The following RBFOX1 variants were observed in gnomAD, a reference collection of about 807,000 sequenced individuals.
The protein encoded by RBFOX1 is RNA binding protein fox-1 homolog 1.
RBFOX1 carries 8 observed loss-of-function variants against 57.7 expected under a neutral mutation model. The ratio of observed to expected loss-of-function variants is 0.14; its 90% CI spans 0.08 to 0.25. RBFOX1 has a LOEUF of 0.25. Among genes scored for constraint, RBFOX1 ranks in the 10% least tolerant of loss-of-function variants. The pLI is 1.00. For synonymous variants in RBFOX1, 326 were observed against 222.4 expected, an observed-to-expected ratio of 1.47 and a Z score of -4.15; for missense variants, 611 against 548.5, an observed-to-expected ratio of 1.11 and a Z score of -1.14.
rs552986584 is a variant in RBFOX1 at position 6,312,165 on chromosome 16, AACTC to A, written c.-126-4824_-126-4821del. ...TTTGCTAGCAACAGAAATCCATTCA[AACTC>A]ACTCAATAAATGGGCATGTTTCTTA... On this transcript the variant is annotated intron_variant, in intron 1 of 15. Transcript: ENST00000550418. Among the ~76,000 whole-genome samples the A allele has an allele frequency of 1.8e-4, 27 of 152,288 alleles. No homozygotes were observed. The South Asian group carries it at 4.8e-3, about 27-fold the overall frequency.
chr16:7,530,445 C>T (rs1385798362), intron 5 of RBFOX1, among the ~76,000 whole-genome samples: 1 of 151,928 alleles, frequency 6.6e-6, no homozygotes, highest in Non-Finnish European at 1.5e-5. Flanking sequence ...ATTTTGGTTC[C>T]TAGCCAGAGG....
chr16:5,566,704 A>C (rs2046086101), intron 2 of RBFOX1, among the ~76,000 whole-genome samples: 1 of 151,950 alleles, frequency 6.6e-6, no homozygotes, highest in African/African-American at 2.4e-5. Flanking sequence ...ACACATATAT[A>C]GATATATCCT....
intron 1 of RBFOX1, among the ~76,000 whole-genome samples, chr16:5,425,686 C>T (rs1274271035): frequency 6.6e-6 from 1 of 152,140 alleles, no homozygotes; most frequent in East Asian, 1.9e-4. Flanking sequence ...AGGGGTGGTG[C>T]AGGGGCAGGG....
chr16:5,321,724 G>C (rs570006493), intron 1 of RBFOX1, among the ~76,000 whole-genome samples: 2 of 152,276 alleles, frequency 1.3e-5, no homozygotes, highest in South Asian at 4.2e-4. Flanking sequence ...CACACCTGGG[G>C]CTACTGGTGG....
intron 4 of RBFOX1, among the ~76,000 whole-genome samples, chr16:7,245,819 C>G (rs983048552): frequency 2.6e-5 from 4 of 152,196 alleles, no homozygotes; most frequent in Non-Finnish European, 5.9e-5. Flanking sequence ...ACTTCATACA[C>G]TCATGCAACT....
intron 3 of RBFOX1, among the ~76,000 whole-genome samples, chr16:6,935,325 C>T (rs1236798162): frequency 6.6e-6 from 1 of 152,054 alleles, no homozygotes; most frequent in Non-Finnish European, 1.5e-5. Context: ...TTGATAGTTT[C>T]CCTTCATAAA....
intron 3 of RBFOX1, among the ~76,000 whole-genome samples, chr16:7,028,149 C>A (rs891266633): frequency 2.6e-5 from 4 of 152,078 alleles, no homozygotes; most frequent in African/African-American, 9.7e-5. Flanking sequence ...AAGTCAAGGT[C>A]CAATATAATA....
Position 7,663,686 on chromosome 16 carries a change from C to A in RBFOX1, c.891-1243C>A, listed in dbSNP as rs79361209. ...GGGCTCATTGGTCCTTTGCCAGAAT[C>A]ATAAGTCATCTAGAAACATCATGGG... On this transcript the variant is annotated intron_variant, in intron 12 of 15. Transcript: ENST00000550418. Among the ~76,000 whole-genome samples the A allele has an allele frequency of 4.1e-3, 630 of 152,240 alleles. 4 individuals are homozygous for A. Among genetic ancestry groups the A allele is most frequent in the Non-Finnish European group, 7.2e-3 (487 of 68,020 alleles).
chr16:5,809,880 G>GT (rs965170381), intron 3 of RBFOX1, among the ~76,000 whole-genome samples: 1 of 152,070 alleles, frequency 6.6e-6, no homozygotes, highest in African/African-American at 2.4e-5. Context: ...GCACACGTAT[G>GT]TTTTTTGCGG....
At chr16:6,792,914 A>C (rs148527403) in intron 3 of RBFOX1, among the ~76,000 whole-genome samples, 2,656 of 152,006 alleles carry the variant, frequency 0.017, 90 homozygotes, top group African/African-American at 0.061. Flanking sequence ...CCTGTAATCC[A>C]AGCTACTAGG....
chr16:5,504,522 A>T (rs533677137), intron 2 of RBFOX1, among the ~76,000 whole-genome samples: 3 of 152,306 alleles, frequency 2.0e-5, no homozygotes, highest in Admixed American at 2.0e-4. Flanking sequence ...GCCTCCATTC[A>T]CAGATAGGCT....
intron 4 of RBFOX1, among the ~76,000 whole-genome samples, chr16:7,443,294 G>T (rs766511451): frequency 5.9e-5 from 9 of 152,006 alleles, no homozygotes; most frequent in Non-Finnish European, 8.8e-5. Flanking sequence ...GGCTTAGAAG[G>T]TTACAGAAAA....
intron 1 of RBFOX1, among the ~76,000 whole-genome samples, chr16:6,094,597 A>G (rs1286048433): frequency 6.6e-6 from 1 of 152,224 alleles, no homozygotes; most frequent in Admixed American, 6.5e-5. Context: ...TAGGTCATAG[A>G]TAAGAGCTCT....
intron 3 of RBFOX1, among the ~76,000 whole-genome samples, chr16:6,924,685 TTTA>T (rs994613873): frequency 2.8e-4 from 43 of 152,080 alleles, no homozygotes; most frequent in Middle Eastern, 6.8e-3. Flanking sequence ...TTTTTTTAAT[TTTA>T]TTATTATTAT....
intron 3 of RBFOX1, among the ~76,000 whole-genome samples, chr16:5,816,148 C>A (rs1365808152): frequency 6.6e-6 from 1 of 152,130 alleles, no homozygotes; most frequent in Non-Finnish European, 1.5e-5. Flanking sequence ...TCAGCATTAA[C>A]CCCCAGTGGC....
At chr16:6,731,860 T>C (rs1189581209) in intron 3 of RBFOX1, among the ~76,000 whole-genome samples, 1 of 152,160 alleles carries the variant, frequency 6.6e-6, no homozygotes, top group East Asian at 1.9e-4. Flanking sequence ...ATTGTCTGCC[T>C]CTAGGGGAAT....
At chr16:6,381,401 C>T (rs1300441796) in intron 2 of RBFOX1, among the ~76,000 whole-genome samples, 1 of 152,068 alleles carries the variant, frequency 6.6e-6, no homozygotes, top group African/African-American at 2.4e-5. Context: ...CATTGTTTAG[C>T]TCCCAGTTAT....
chr16:7,292,088 AATAT>A (rs1312464500), intron 4 of RBFOX1, among the ~76,000 whole-genome samples: 1 of 138,380 alleles, frequency 7.2e-6, no homozygotes, highest in Admixed American at 7.7e-5. Flanking sequence ...TATGATGTAT[AATAT>A]ATAATATATC....
chr16:5,322,402 G>C (rs1348261051), intron 1 of RBFOX1, among the ~76,000 whole-genome samples: 3 of 152,118 alleles, frequency 2.0e-5, no homozygotes, highest in Admixed American at 2.0e-4. Context: ...TTTGGGGTAG[G>C]ATGAGCCTTT....
Sources: allele counts gnomAD v4.1 joint callset (sites outside exome capture counted in the v4.1 genomes callset), GRCh38; gene constraint gnomAD v4.1.1; transcripts MANE v1.5; gene names NCBI Gene and HGNC (gene_info 2026-07-23, HGNC 2026-07-21).